Variants in ANKRD36 observed in about 807,000 individuals in gnomAD.
ANKRD36 encodes the protein ankyrin repeat domain 36, also known as ankyrin repeat domain-containing protein 36A.
Under a neutral mutation model 278.1 loss-of-function variants are expected in ANKRD36, and 179 were observed. The observed-to-expected ratio is 0.64, with a 90% CI of 0.57 to 0.73. The LOEUF (loss-of-function observed/expected upper bound fraction) is 0.73, where lower values mean the gene tolerates loss of function less well. ANKRD36 is among the 30% of genes least tolerant of loss of function. ANKRD36 has a pLI of 0.00. For synonymous variants in ANKRD36, 320 were observed against 641.1 expected (o/e 0.50, Z 7.57); for missense variants, 1,159 against 1,956.7 (o/e 0.59, Z 7.69).
chr2:97,127,091 C>T lies in ANKRD36; in HGVS notation c.756C>T (p.Tyr252=), dbSNP rs200222684. The T allele has an allele frequency of 8.2e-4, 1,073 of 1,300,792 alleles. 15 individuals carry two copies. In the South Asian group the frequency reaches 9.1e-3, roughly 11 times the overall value. 80.6% of individuals were successfully genotyped at this position (1,300,792 alleles called of 1,614,324 possible). ...GCATTTTTGATCTAATTTATGAATA[C>T]GAAAGAAAGAGATATGAAGATCTTC... ...NRVIFDLIYE[Y]ERKRYEDLPI... Residue 252 remains tyrosine (Y), a synonymous_variant, in exon 6 of 76, where the codon TAC becomes TAT. Transcript: ENST00000420699.
In ANKRD36 at chr2:97,164,318, A is replaced by G. The variant is rs1326605359; in HGVS notation, c.1458+7A>G. The stretch of plus-strand genomic sequence containing the variant: ...GCAACCGCCTTTATTCACGGTAAAC[A>G]TATTTTCTTTAATTATTAACAAAAT... On this transcript the variant is annotated splice_region_variant and intron_variant, in intron 19 of 75. Transcript: ENST00000420699. The G allele has an allele frequency of 2.6e-6, 4 of 1,535,244 alleles. No homozygotes were observed. Among genetic ancestry groups the G allele is most frequent in the Admixed American group, 3.9e-5 (2 of 50,758 alleles).
intron 22 of ANKRD36, among the ~76,000 whole-genome samples, chr2:97,170,563 A>C (rs1006740850): frequency 6.6e-6 from 1 of 152,026 alleles, no homozygotes; most frequent in Non-Finnish European, 1.5e-5. Context: ...TCAATTCAAG[A>C]TGGATTAAAG....
intron 20 of ANKRD36, among the ~76,000 whole-genome samples, chr2:97,167,143 AAGC>A (rs2050974921): frequency 1.3e-5 from 2 of 152,062 alleles, no homozygotes; most frequent in East Asian, 2.0e-4. Context: ...AAAACACCAG[AAGC>A]GTGCATGACT....
intron 38 of ANKRD36, 35 bp from the exon 39 acceptor site, chr2:97,194,691 C>T: frequency 1.2e-6 from 2 of 1,602,572 alleles, no homozygotes; most frequent in Non-Finnish European, 1.7e-6. Context: ...ATCATATTTA[C>T]ATGTGAGTGA....
At chr2:97,145,236 A>C (rs956177557) in intron 10 of ANKRD36, among the ~76,000 whole-genome samples, 2 of 152,052 alleles carry the variant, frequency 1.3e-5, no homozygotes, top group Admixed American at 1.3e-4. Flanking sequence ...CTGCTGAGGA[A>C]ACCTGAGGGA....
chr2:97,151,904 A>T lies in ANKRD36; in HGVS notation c.1127A>T (p.Lys376Met), dbSNP rs2046098951. 1.4e-6 allele frequency: 2 copies of T among 1,456,018 alleles called. No individual in the cohort carries two copies. Among genetic ancestry groups the T allele is most frequent in the Admixed American group, 4.0e-5 (2 of 50,544 alleles). 90.2% of individuals were successfully genotyped at this position (1,456,018 alleles called of 1,614,324 possible). The change falls in exon 13 of 76, where the codon AAG (lysine) becomes ATG (methionine). Residue 376 changes from lysine to methionine, a missense_variant. Lys to Met is a moderately conservative substitution (Grantham distance 95). Coordinates refer to ENST00000420699, the MANE Select transcript of ANKRD36 (RefSeq NM_001354587.1). ...ATTATTTCAAAACTATACATCCCAA[A>T]GAGAAAGATTATTTCTCCACGATCT... ...SEIISKLYIPKRKIISPRSIK... is the reference protein window; with the variant it reads ...SEIISKLYIPMRKIISPRSIK...
chr2:97,135,297 A>G (rs1574730068), intron 6 of ANKRD36, among the ~76,000 whole-genome samples: 1 of 151,920 alleles, frequency 6.6e-6, no homozygotes, highest in East Asian at 1.9e-4. Context: ...TGAAAACATG[A>G]ATAGTGCTGA....
At chr2:97,194,698 G>GTGAT in intron 38 of ANKRD36, 28 bp from the exon 39 acceptor site, 1 of 1,603,724 alleles carries the variant, frequency 6.2e-7, no homozygotes, top group Non-Finnish European at 8.5e-7. Context: ...TTACATGTGA[G>GTGAT]TGATTATGTA....
chr2:97,194,671 G>A, intron 38 of ANKRD36, 55 bp from the exon 39 acceptor site: 1 of 1,596,562 alleles, frequency 6.3e-7, no homozygotes, highest in African/African-American at 1.3e-5. Context: ...GTGAATGTAT[G>A]GATAACTTTA....
chr2:97,151,531 T>C (rs2045969697), intron 12 of ANKRD36, among the ~76,000 whole-genome samples: 1 of 152,176 alleles, frequency 6.6e-6, no homozygotes, highest in Non-Finnish European at 1.5e-5. Context: ...GTGATTAATT[T>C]ACTTTTTTTA....
chr2:97,200,638 G>T, intron 46 of ANKRD36, 113 bp downstream of exon 46: 1 of 1,466,028 alleles, frequency 6.8e-7, no homozygotes. Context: ...CACCAAGCTT[G>T]AGATTCTTCT....
At chr2:97,194,682 T>C (rs1232131732) in intron 38 of ANKRD36, 44 bp from the exon 39 acceptor site, 10 of 1,600,686 alleles carry the variant, frequency 6.2e-6, no homozygotes, top group Non-Finnish European at 7.6e-6. Context: ...GATAACTTTA[T>C]CATATTTACA....
intron 22 of ANKRD36, among the ~76,000 whole-genome samples, chr2:97,170,556 A>G (rs1168170016): frequency 6.6e-6 from 1 of 152,046 alleles, no homozygotes; most frequent in African/African-American, 2.4e-5. Flanking sequence ...ACAAAAATCA[A>G]TTCAAGATGG....
At chr2:97,121,258 G>A (rs2036736692) in intron 3 of ANKRD36, among the ~76,000 whole-genome samples, 1 of 152,010 alleles carries the variant, frequency 6.6e-6, no homozygotes, top group Non-Finnish European at 1.5e-5. Flanking sequence ...ATGCATGTAA[G>A]CTTTTTAAGG....
intron 22 of ANKRD36, among the ~76,000 whole-genome samples, chr2:97,175,840 G>C (rs982350774): frequency 8.6e-5 from 13 of 151,030 alleles, no homozygotes; most frequent in Non-Finnish European, 1.2e-4. Flanking sequence ...GTTCTCATTG[G>C]TTTCAAAGAA....
rs1559340748 is a variant in ANKRD36 at position 97,149,343 on chromosome 2, G to A, written c.1083G>A (p.Glu361=). The change falls in exon 12 of 76, where the codon GAG becomes GAA. Residue 361 remains glutamate, a synonymous_variant. Transcript: ENST00000420699. ...TTGCACAGCCTGTGACAGAGAATGA[G>A]TTTTCTTTGGAATCTGAGGTAGAGT... ...DAVAQPVTEN[E]FSLESEIISK... is the part of the protein sequence containing the mutation. The A allele has an allele frequency of 2.0e-6, 3 of 1,533,622 alleles. No homozygotes were observed. Among genetic ancestry groups the A allele is most frequent in the Non-Finnish European group, 2.6e-6 (3 of 1,145,240 alleles).
chr2:97,206,815 A>T (rs1447136542), intron 52 of ANKRD36, among the ~76,000 whole-genome samples: 5 of 151,542 alleles, frequency 3.3e-5, no homozygotes, highest in African/African-American at 1.2e-4. Flanking sequence ...GGCATCAGAG[A>T]TACATGTTTT....
At chr2:97,143,156 TTAAG>T (rs1194733380) in intron 8 of ANKRD36, among the ~76,000 whole-genome samples, 2 of 151,990 alleles carry the variant, frequency 1.3e-5, no homozygotes, top group Admixed American at 6.6e-5. Context: ...GAGAAAGAGA[TTAAG>T]TAATAAAAAT....
chr2:97,191,827 C>T lies in ANKRD36; in HGVS notation c.2347+646C>T, dbSNP rs371240279. Among the ~76,000 whole-genome samples, 13 of 151,740 alleles carry T rather than the reference C, an allele frequency of 8.6e-5. 1 individual carries two copies. In the South Asian group the frequency reaches 2.7e-3, roughly 32 times the overall value. Reference sequence around the variant, plus strand: ...TAGAATTGCCATAAAAACACACTGCCTCATTACTCCTGTTTGTTAGCATTA... The same window carrying T: ...TAGAATTGCCATAAAAACACACTGCTTCATTACTCCTGTTTGTTAGCATTA... On this transcript the variant is annotated intron_variant, in intron 36 of 75. Transcript: ENST00000420699.
Sources: gnomAD v4.1 joint callset for allele counts (sites outside exome capture counted in the v4.1 genomes callset) on GRCh38, gnomAD v4.1.1 for gene constraint, MANE v1.5 for transcripts, NCBI Gene and HGNC (gene_info 2026-07-23, HGNC 2026-07-21) for gene names.